The following TTN variants were observed in gnomAD, a reference collection of about 807,000 sequenced individuals.
TTN encodes the protein connectin.
A neutral mutation model predicts 3,223.0 loss-of-function variants in TTN; 1,525 were observed. The observed-to-expected ratio is 0.47, with a 90% CI of 0.45 to 0.49. TTN has a LOEUF of 0.49. Among genes scored for constraint, TTN ranks in the 20% least tolerant of loss-of-function variants. TTN has a pLI of 0.00. For missense variants in TTN, 40,786 were observed against 43,424.0 expected (o/e 0.94, Z 5.40); for synonymous variants, 14,094 against 15,161.0 (o/e 0.93, Z 5.17).
intron 47 of TTN, chr2:178,748,989 C>T (rs1183284556): frequency 3.7e-6 from 6 of 1,612,222 alleles, no homozygotes; most frequent in Middle Eastern, 1.7e-4. Context: ...TCTAGAACTC[C>T]TTTTTCTACA....
rs2086951043 is a variant in TTN, at chr2:178,756,393, G to A, written c.11083C>T (p.His3695Tyr). The change falls in exon 46 of 363, where the codon CAC becomes TAC. Residue 3695 changes from histidine to tyrosine, a missense_variant. Coordinates refer to ENST00000589042, the MANE Select transcript of TTN (RefSeq NM_001267550.2). ...DDSFIDVTWT[H>Y]EGAKIEESER... The stretch of plus-strand genomic sequence containing the variant: ...GATTCCTCTATCTTTGCACCTTCGT[G>A]AGTCCAGGTTACATCAATGAAAGAA... 2.5e-6 allele frequency: 4 copies of A among 1,613,798 alleles called. No individual in the cohort carries two copies. The highest frequency in any genetic ancestry group is 3.4e-6 in the Non-Finnish European group (4 of 1,179,810).
At chr2:178,726,262 C>A (rs995319723) in intron 69 of TTN, 1 of 445,808 alleles carries the variant, frequency 2.2e-6, no homozygotes, top group East Asian at 3.5e-5. Flanking sequence ...TCCTAGATGT[C>A]GTTACTGAAC....
intron 69 of TTN, 23 bp from the exon 70 acceptor site, chr2:178,726,069 A>T (rs1560735664): frequency 1.3e-6 from 2 of 1,502,134 alleles, no homozygotes. Context: ...AGAATTTCTC[A>T]TGAATTGGGC....
chr2:178,731,065 G>C lies in TTN; in HGVS notation c.17600C>G (p.Ser5867Ter). The C allele has an allele frequency of 6.2e-7, 1 of 1,613,494 alleles. No homozygotes were observed. Among genetic ancestry groups the C allele is most frequent in the Admixed American group, 1.7e-5 (1 of 59,976 alleles). Residue 5867 changes from serine (S) to a stop codon, truncating the protein, a stop_gained, in exon 60 of 363, where the codon TCA becomes TGA. Coordinates refer to ENST00000589042, the MANE Select transcript of TTN (RefSeq NM_001267550.2). LOFTEE classifies it high-confidence loss of function. ...ATCAGTGACACTGATTTTATATTTT[G>C]AGCCCAGGGTCAGTTCTTGGCCATC... ...FKDGQELTLG[S>*]KYKISVTDTV...
At chr2:178,787,738 A>G (rs1338326089) in intron 13 of TTN, among the ~76,000 whole-genome samples, 1 of 152,102 alleles carries the variant, frequency 6.6e-6, no homozygotes, top group African/African-American at 2.4e-5. Context: ...ATGGTAAAAT[A>G]TTTTAAATTG....
Position 178,667,313 on chromosome 2 carries a change from T to A in TTN, c.35720A>T (p.Asp11907Val), listed in dbSNP as rs747151384. 3.1e-6 allele frequency: 5 copies of A among 1,600,630 alleles called. No individual in the cohort carries two copies. In the Admixed American group the frequency reaches 8.5e-5, roughly 27 times the overall value. The change falls in exon 162 of 363, where the codon GAT (aspartate) becomes GTT (valine). Residue 11907 changes from aspartate (D) to valine (V), a missense_variant. Coordinates refer to ENST00000589042, the MANE Select transcript of TTN (RefSeq NM_001267550.2). ...CTCTGGAAAAATGCCTCTGGTTGTA[T>A]CAGGTTCTTTAAAGATATTAGTAGG... ...KRETPATKEP[D>V]TTRGIFPEVE...
At chr2:178,746,009 C>T (rs1018833862) in intron 47 of TTN, 1 of 1,613,120 alleles carries the variant, frequency 6.2e-7, no homozygotes. Flanking sequence ...GAATCCCCGA[C>T]AGATAGCCTC....
rs1350223598 is a variant in TTN at position 178,712,336 on chromosome 2, A to T, written c.27586T>A (p.Ser9196Thr). The T allele has an allele frequency of 1.9e-6, 3 of 1,613,606 alleles. No homozygotes were observed. The highest frequency in any genetic ancestry group is 2.5e-6 in the Non-Finnish European group (3 of 1,179,704). Residue 9196 changes from serine to threonine, a missense_variant, in exon 95 of 363, where the codon TCA becomes ACA. Transcript: ENST00000589042. ...AAACCTAGTATGAGTATTTGTGCTG[A>T]ACAGGAATCTTTTCCAGAGGCATTT... is the stretch of plus-strand genomic sequence containing the variant. ...IENASGKDSCSAQILILEPPY... is the reference protein window; with the variant it reads ...IENASGKDSCTAQILILEPPY...
At chr2:178,642,649 T>C (rs2061392536) in intron 218 of TTN, among the ~76,000 whole-genome samples, 1 of 151,974 alleles carries the variant, frequency 6.6e-6, no homozygotes, top group African/African-American at 2.4e-5. Flanking sequence ...CAAACTGCAA[T>C]TGTAGATTGT....
rs779078589 is a variant in TTN, at chr2:178,735,927, T to G, written c.14519A>C (p.Asn4840Thr). Residue 4840 changes from asparagine to threonine, a missense_variant, in exon 50 of 363, where the codon AAC (asparagine) becomes ACC (threonine). Asn to Thr is a moderately conservative substitution (Grantham distance 65, BLOSUM62 0). Transcript: ENST00000589042. ...GTTTTCTGCGTCGGAAATCCTCCAG[T>G]TAGGTGAAGGTGAGAGTGCAGCACC... is the stretch of plus-strand genomic sequence containing the variant. ...KDGAALSPSP[N>T]WRISDAENKH... 2 of 1,613,740 alleles carry G rather than the reference T, an allele frequency of 1.2e-6. No individual in the cohort carries two copies. Among genetic ancestry groups the G allele is most frequent in the Admixed American group, 1.7e-5 (1 of 59,978 alleles).
chr2:178,681,098 C>T lies in TTN; in HGVS notation c.33321G>A (p.Val11107=). 2 of 1,603,700 alleles carry T rather than the reference C, an allele frequency of 1.2e-6. No homozygotes were observed. The highest frequency in any genetic ancestry group is 1.7e-6 in the Non-Finnish European group (2 of 1,176,832). The change falls in exon 138 of 363, where the codon GTG becomes GTA. Residue 11107 remains valine, a synonymous_variant. Transcript: ENST00000589042. ...TTATACCTTTAGCAGCGGGTTCAGT[C>T]ACCTGCTCTTTTTCACGTTTGGTAA... is the stretch of plus-strand genomic sequence containing the variant. The part of the protein sequence containing the change: ...ISITKREKEQ[V]TEPAAKVPMK...
In TTN at chr2:178,565,834, A is replaced by G. The variant is rs2154165127; in HGVS notation, c.80298T>C (p.Gly26766=). 1.2e-6 allele frequency: 2 copies of G among 1,613,654 alleles called. No individual in the cohort carries two copies. The highest frequency in any genetic ancestry group is 1.7e-6 in the Non-Finnish European group (2 of 1,179,654). ...RVMAENEFGV[G]VPVETVDAVK... ...CGGCATCAACAGTTTCCACTGGAAC[A>G]CCAACTCCAAATTCATTTTCAGCCA... The change falls in exon 326 of 363, where the codon GGT becomes GGC. Residue 26766 remains glycine (G), a synonymous_variant. Coordinates refer to ENST00000589042, the MANE Select transcript of TTN (RefSeq NM_001267550.2).
intron 235 of TTN, 38 bp downstream of exon 235, chr2:178,632,488 A>C (rs769461382): frequency 6.3e-7 from 1 of 1,591,694 alleles, no homozygotes; most frequent in Admixed American, 1.9e-5. Context: ...AGGCAAAAAA[A>C]ATGATTTTGG....
intron 159 of TTN, among the ~76,000 whole-genome samples, chr2:178,668,134 T>C (rs1456787986): frequency 1.3e-5 from 2 of 152,318 alleles, no homozygotes; most frequent in East Asian, 3.9e-4. Flanking sequence ...TCTAGAAGCC[T>C]CATTATCTAT....
In TTN at chr2:178,576,739, T is replaced by G; in HGVS notation, c.69505A>C (p.Ser23169Arg). 1.9e-6 allele frequency: 3 copies of G among 1,613,550 alleles called. No individual in the cohort carries two copies. The highest frequency in any genetic ancestry group is 2.5e-6 in the Non-Finnish European group (3 of 1,179,622). ...SWKRPVDDGG[S>R]EITGYHVERR... Reference sequence around the variant, plus strand: ...TCTACATGATATCCTGTAATTTCGCTGCCACCATCATCCACTGGCCTTTTC... The same window carrying G: ...TCTACATGATATCCTGTAATTTCGCGGCCACCATCATCCACTGGCCTTTTC... Residue 23169 changes from serine (S) to arginine (R), a missense_variant, in exon 325 of 363, where the codon AGC (serine) becomes CGC (arginine). Physicochemically the swap from Ser to Arg is moderately radical, Grantham distance 110 (BLOSUM62 -1). Coordinates refer to ENST00000589042, the MANE Select transcript of TTN (RefSeq NM_001267550.2). This position sits in a 1 kb window ranked among gnomAD's most constrained non-coding sequence, Gnocchi z 4.3.
rs764755768 is a variant in TTN, at chr2:178,733,784, A to C, written c.15605T>G (p.Met5202Arg). 6.2e-7 allele frequency: 1 copy of C among 1,613,758 alleles called. No homozygotes were observed. Among genetic ancestry groups the C allele is most frequent in the Non-Finnish European group, 8.5e-7 (1 of 1,179,752 alleles). Residue 5202 changes from methionine to arginine, a missense_variant, in exon 53 of 363, where the codon ATG (methionine) becomes AGG (arginine). By Grantham distance (91) the Met-to-Arg change is moderately conservative (BLOSUM62 -1). Transcript: ENST00000589042. ...RGSEPISVTW[M>R]KGQEVIREDG... ...TTCTCTGATGACCTCTTGACCTTTC[A>C]TCCATGTGACAGAAATGGGCTCTGA...
rs762148576 is a variant in TTN at position 178,617,954 on chromosome 2, G to A, written c.47397C>T (p.Asp15799=). 1 of 1,612,488 alleles carries A rather than the reference G, an allele frequency of 6.2e-7. No homozygotes were observed. The highest frequency in any genetic ancestry group is 1.3e-5 in the African/African-American group (1 of 74,784). Residue 15799 remains aspartate, a synonymous_variant, in exon 253 of 363, where the codon GAC becomes GAT. Transcript: ENST00000589042. ...CAGTATCCCACCTGATAGAAGTCTTGTCTCTTAATTCAATGACGTAGTTTG... is the reference window on the plus strand; with the variant it reads ...CAGTATCCCACCTGATAGAAGTCTTATCTCTTAATTCAATGACGTAGTTTG... ...EITNYVIELR[D]KTSIRWDTAM...
intron 326 of TTN, 83 bp from the exon 327 acceptor site, chr2:178,558,720 A>C: frequency 7.1e-7 from 1 of 1,410,972 alleles, no homozygotes; most frequent in Non-Finnish European, 9.5e-7. Flanking sequence ...GTCAAAAGAA[A>C]ACTTTTAAAT....
intron 47 of TTN, among the ~76,000 whole-genome samples, chr2:178,752,528 C>T (rs1036006919): frequency 6.6e-6 from 1 of 151,838 alleles, no homozygotes; most frequent in African/African-American, 2.4e-5. Context: ...GGCGTTTATT[C>T]GAACTAATAC....
Sources: gnomAD v4.1 joint callset for allele counts (sites outside exome capture counted in the v4.1 genomes callset) on GRCh38, gnomAD v4.1.1 for gene constraint, Gnocchi (gnomAD v3.1) non-coding constraint, MANE v1.5 for transcripts, NCBI Gene and HGNC (gene_info 2026-07-23, HGNC 2026-07-21) for gene names.